INTS4: variants seen among roughly 807,000 people sequenced by gnomAD.
INTS4 encodes integrator complex subunit 4.
In INTS4, 70 loss-of-function variants were observed where a neutral mutation model predicts 119.5. The observed-to-expected ratio is 0.59, with a 90% CI of 0.48 to 0.71. The LOEUF (loss-of-function observed/expected upper bound fraction) is 0.71. INTS4 is among the 30% of genes least tolerant of loss of function. The pLI, the probability that INTS4 is intolerant of heterozygous loss-of-function variation, is 0.00. For synonymous variants in INTS4, 316 were observed against 419.6 expected (o/e 0.75, Z 3.02); for missense variants, 867 against 1,173.2 (o/e 0.74, Z 3.81).
intron 15 of INTS4, chr11:77,917,928 G>C (rs1181834619): frequency 3.3e-6 from 2 of 610,214 alleles, no homozygotes; most frequent in Non-Finnish European, 5.9e-6. Flanking sequence ...TGAAGTGAGA[G>C]ATGGCCATGT....
At position 77,945,633 on chromosome 11, in the gene INTS4, G is replaced by T. The variant is rs143416680; in HGVS notation, c.919-4382C>A. ...AGCCATCAAATAGACAGCTGGCAGCGCTTTACCCAACACCCCTGTTCCATA... is the reference window on the plus strand; with the variant it reads ...AGCCATCAAATAGACAGCTGGCAGCTCTTTACCCAACACCCCTGTTCCATA... On this transcript the variant is annotated intron_variant, in intron 8 of 22. Transcript: ENST00000534064. 5.9e-3 allele frequency among the ~76,000 whole-genome samples: 901 copies of T among 152,224 alleles called. 9 individuals are homozygous for T. Among genetic ancestry groups the T allele is most frequent in the African/African-American group, 0.021 (853 of 41,524 alleles).
chr11:77,879,537 T>C (rs926145974), intron 22 of INTS4, among the ~76,000 whole-genome samples: 7 of 152,224 alleles, frequency 4.6e-5, no homozygotes. Flanking sequence ...CAGGGCTGCA[T>C]GTACCACAGA....
At position 77,879,048 on chromosome 11, in the gene INTS4, A is replaced by G; in HGVS notation, c.2793T>C (p.Gly931=). ...ARIPKCPWME[G]GEMSPQVETS... Reference sequence around the variant, plus strand: ...TTTCCACCTGTGGTGACATCTCACCACCCTCCATCCAGGGGCATTTTGGAA... The same window carrying G: ...TTTCCACCTGTGGTGACATCTCACCGCCCTCCATCCAGGGGCATTTTGGAA... Residue 931 remains glycine (G), a synonymous_variant, in exon 23 of 23, where the codon GGT becomes GGC. Transcript: ENST00000534064. 6.2e-7 allele frequency: 1 copy of G among 1,613,072 alleles called. No individual in the cohort carries two copies. The highest frequency in any genetic ancestry group is 8.5e-7 in the Non-Finnish European group (1 of 1,179,788).
chr11:77,896,543 T>C (rs61605540), intron 18 of INTS4, among the ~76,000 whole-genome samples: 25,120 of 151,274 alleles, frequency 0.17, 2,479 homozygotes, highest in African/African-American at 0.25. Context: ...TCCCAGCTAC[T>C]TGGGAGGTTG....
At chr11:77,923,770 T>G (rs927316646) in intron 12 of INTS4, among the ~76,000 whole-genome samples, 12 of 150,246 alleles carry the variant, frequency 8.0e-5, no homozygotes, top group African/African-American at 2.4e-4. Flanking sequence ...TTTATGGTTT[T>G]TTTTTTTTTT....
At position 77,891,691 on chromosome 11, in the gene INTS4, A is replaced by G. The variant is rs1187548882; in HGVS notation, c.2438T>C (p.Leu813Pro). ...CAAATAGACCCTGACCTGCTCTGGA[A>G]GCGGGAGATGCAGAAAGGCACTCTG... ...LRQSAFLHLP[L>P]PEQIHKASAT... is the part of the protein sequence containing the mutation. Residue 813 changes from leucine to proline, a missense_variant, in exon 20 of 23, where the codon CTT (leucine) becomes CCT (proline). Around this residue, in one of 5 missense-constraint regions of INTS4, gnomAD observed 262 missense variants for 376.0 expected, o/e 0.70. Transcript: ENST00000534064. 6.8e-6 allele frequency: 11 copies of G among 1,611,996 alleles called. No homozygotes were observed. The highest frequency in any genetic ancestry group is 2.2e-5 in the South Asian group (2 of 90,978).
chr11:77,891,526 CT>C (rs1952266384), intron 20 of INTS4, 64 bp from the exon 21 acceptor site: 3 of 1,594,746 alleles, frequency 1.9e-6, no homozygotes, highest in South Asian at 1.1e-5. Context: ...GAAAACGCAT[CT>C]TTTTTCTGTC....
At chr11:77,956,920 T>G (rs1337468512) in intron 7 of INTS4, among the ~76,000 whole-genome samples, 1 of 152,062 alleles carries the variant, frequency 6.6e-6, no homozygotes, top group Non-Finnish European at 1.5e-5. Context: ...AAACCAACTC[T>G]TTCAGTTGCA....
chr11:77,878,177 ATG>A (rs1326451812), downstream of INTS4, among the ~76,000 whole-genome samples: 5 of 152,088 alleles, frequency 3.3e-5, no homozygotes, highest in Non-Finnish European at 7.4e-5. Context: ...CCTGGCTAAC[ATG>A]GTGAAACCCC....
At chr11:77,919,988 T>A (rs2136476316) in intron 14 of INTS4, among the ~76,000 whole-genome samples, 1 of 152,086 alleles carries the variant, frequency 6.6e-6, no homozygotes, top group East Asian at 1.9e-4. Context: ...TTTGTATTTT[T>A]AGTAGAGATG....
At position 77,887,024 on chromosome 11, in the gene INTS4, TC is replaced by T. The variant is rs1432252217; in HGVS notation, c.2593-3073del. Among the ~76,000 whole-genome samples the T allele has an allele frequency of 9.3e-5, 14 of 150,902 alleles. No homozygotes were observed. In the East Asian group the frequency reaches 2.7e-3, roughly 29 times the overall value. On this transcript the variant is annotated intron_variant, in intron 21 of 22. Transcript: ENST00000534064. Reference sequence around the variant, plus strand: ...AAGATCCAAAATTGACACCCTAACATCACAATTAAAAGAACTAGAAAAGCAA... The same window carrying T: ...AAGATCCAAAATTGACACCCTAACATACAATTAAAAGAACTAGAAAAGCAA...
intron 12 of INTS4, among the ~76,000 whole-genome samples, chr11:77,922,984 G>A (rs1953399736): frequency 1.3e-5 from 2 of 152,186 alleles, no homozygotes; most frequent in Non-Finnish European, 2.9e-5. Flanking sequence ...CTTCCTTTCT[G>A]TCTTGAGATA....
chr11:77,979,375 C>T (rs12278476), intron 3 of INTS4, among the ~76,000 whole-genome samples: 6,218 of 151,636 alleles, frequency 0.041, 184 homozygotes, highest in Non-Finnish European at 0.059. Context: ...CTTAGGAGGC[C>T]GAGGTAGGAG....
At chr11:77,960,311 C>T in intron 6 of INTS4, 30 bp downstream of exon 6, 1 of 1,550,932 alleles carries the variant, frequency 6.4e-7, no homozygotes, top group South Asian at 1.1e-5. Flanking sequence ...ATACCTCCAA[C>T]CCCTTCCAGA....
In INTS4 at chr11:77,878,896, T is replaced by G; in HGVS notation, c.*53A>C. The G allele has an allele frequency of 1.4e-6, 2 of 1,412,788 alleles. No homozygotes were observed. Among genetic ancestry groups the G allele is most frequent in the Non-Finnish European group, 2.0e-6 (2 of 997,768 alleles). The allele number at this position is 1,412,788 out of a possible 1,614,324, so 87.5% of individuals were successfully genotyped here. A position where few individuals can be genotyped will look rare whatever the true frequency, so the allele number is the denominator to read the frequency against. Reference sequence around the variant, plus strand: ...GTGAAGTGCTTCAGGCTTGGCTCATTCTGACACCTAAGAAGGGCCCTCTAG... The same window carrying G: ...GTGAAGTGCTTCAGGCTTGGCTCATGCTGACACCTAAGAAGGGCCCTCTAG... On this transcript the variant is annotated 3_prime_UTR_variant, in exon 23 of 23. Transcript: ENST00000534064.
intron 8 of INTS4, among the ~76,000 whole-genome samples, chr11:77,951,934 CAG>C (rs1454837540): frequency 2.6e-4 from 40 of 152,282 alleles, no homozygotes; most frequent in African/African-American, 9.6e-4. Flanking sequence ...CACTGGCCAT[CAG>C]AGAAATGCAA....
At chr11:77,981,341 A>T in intron 3 of INTS4, 118 bp downstream of exon 3, 2 of 461,060 alleles carry the variant, frequency 4.3e-6, no homozygotes, top group Non-Finnish European at 7.7e-6. Context: ...GGTTTCATTA[A>T]ATTATCCTCA....
intron 14 of INTS4, among the ~76,000 whole-genome samples, chr11:77,920,928 T>C (rs1209600469): frequency 2.6e-5 from 4 of 151,350 alleles, no homozygotes; most frequent in Non-Finnish European, 4.4e-5. Context: ...AAATATAATC[T>C]ATTGTTCCAG....
intron 21 of INTS4, among the ~76,000 whole-genome samples, chr11:77,887,912 T>C (rs987518228): frequency 1.3e-5 from 2 of 151,972 alleles, no homozygotes; most frequent in Non-Finnish European, 2.9e-5. Context: ...CACTGCTCAA[T>C]GAAATAAAAG....
Sources: allele counts gnomAD v4.1 joint callset (sites outside exome capture counted in the v4.1 genomes callset), GRCh38; gene constraint gnomAD v4.1.1; regional missense constraint gnomAD v4.1.1; transcripts MANE v1.5; gene names NCBI Gene and HGNC (gene_info 2026-07-23, HGNC 2026-07-21).